DSTYK: variants seen among roughly 807,000 people sequenced by gnomAD.
DSTYK encodes the protein RIP-homologous kinase.
Under a neutral mutation model 98.7 loss-of-function variants are expected in DSTYK, and 34 were observed. That is an observed-to-expected ratio of 0.34 (90% CI 0.26 to 0.46). The LOEUF (loss-of-function observed/expected upper bound fraction) is 0.46. Ranked by LOEUF, DSTYK falls within the 20% of genes least tolerant of loss-of-function variation. The pLI is 1.00. For missense variants in DSTYK, 962 were observed against 1,181.7 expected, an observed-to-expected ratio of 0.81 and a Z score of 2.73; for synonymous variants, 462 against 457.3, an observed-to-expected ratio of 1.01 and a Z score of -0.13.
At chr1:205,186,155 G>C (rs1244859107) in intron 2 of DSTYK, among the ~76,000 whole-genome samples, 2 of 152,324 alleles carry the variant, frequency 1.3e-5, no homozygotes, top group Middle Eastern at 3.4e-3. Flanking sequence ...AAATACTTGT[G>C]AATTGTGAAG....
intron 2 of DSTYK, among the ~76,000 whole-genome samples, chr1:205,170,873 C>T (rs943524515): frequency 6.6e-6 from 1 of 152,004 alleles, no homozygotes. Flanking sequence ...ACAGCTAGAA[C>T]AGCAGCGATC....
chr1:205,166,685 C>T (rs1021164926), intron 3 of DSTYK, among the ~76,000 whole-genome samples: 3 of 152,146 alleles, frequency 2.0e-5, no homozygotes, highest in Non-Finnish European at 4.4e-5. Context: ...GAGAAGACTT[C>T]CTAAGATTTC....
At chr1:205,162,791 G>A in intron 5 of DSTYK, 132 bp downstream of exon 5, 1 of 681,670 alleles carries the variant, frequency 1.5e-6, no homozygotes. Context: ...ATTCTCCCAG[G>A]CAGGCAAACC....
At chr1:205,148,183 A>G (rs1285384881) in intron 12 of DSTYK, 22 bp downstream of exon 12, 1 of 1,613,852 alleles carries the variant, frequency 6.2e-7, no homozygotes, top group African/African-American at 1.3e-5. Context: ...AGTTAGGACA[A>G]GGTAGTACTT....
In DSTYK at chr1:205,157,403, A is replaced by G. The variant is rs1293796255; in HGVS notation, c.2239-17T>C. On this transcript the variant is annotated splice_polypyrimidine_tract_variant and intron_variant, in intron 9 of 12. Transcript: ENST00000367162. ...CAGCCCAGCCTTGGGGAGACAAAAG[A>G]GCTTACTTGTCATGATAAGGCAACT... is the stretch of plus-strand genomic sequence containing the variant. The G allele has an allele frequency of 6.2e-7, 1 of 1,606,064 alleles. No homozygotes were observed. The highest frequency in any genetic ancestry group is 8.5e-7 in the Non-Finnish European group (1 of 1,172,890).
At chr1:205,203,488 A>AGAGGG (rs1558627899) in intron 1 of DSTYK, among the ~76,000 whole-genome samples, 1 of 104,278 alleles carries the variant, frequency 9.6e-6, no homozygotes, top group Non-Finnish European at 1.9e-5. Flanking sequence ...TAAGAAAAGG[A>AGAGGG]GAGGGGAGGG....
chr1:205,203,598 C>T (rs1182004561), intron 1 of DSTYK, among the ~76,000 whole-genome samples: 2 of 123,616 alleles, frequency 1.6e-5, no homozygotes, highest in East Asian at 2.5e-4. Flanking sequence ...AGGGAGGGGG[C>T]AGAATTTCCC....
At chr1:205,154,523 G>A (rs1400653549) in intron 10 of DSTYK, among the ~76,000 whole-genome samples, 1 of 152,180 alleles carries the variant, frequency 6.6e-6, no homozygotes. Context: ...CAGCCTTGCG[G>A]AACTGTGAGT....
chr1:205,178,013 G>A (rs188378424), intron 2 of DSTYK, among the ~76,000 whole-genome samples: 24 of 152,218 alleles, frequency 1.6e-4, no homozygotes, highest in East Asian at 9.6e-4. Context: ...GCAAACCAGA[G>A]TTTTATCCCA....
chr1:205,175,843 T>C (rs768441869), intron 2 of DSTYK, among the ~76,000 whole-genome samples: 1 of 152,122 alleles, frequency 6.6e-6, no homozygotes, highest in African/African-American at 2.4e-5. Flanking sequence ...ATCCAATAAA[T>C]AAACATGGAA....
At chr1:205,151,782 C>G (rs565832752) in intron 10 of DSTYK, among the ~76,000 whole-genome samples, 1 of 151,496 alleles carries the variant, frequency 6.6e-6, no homozygotes, top group East Asian at 1.9e-4. Flanking sequence ...TCAGGATCAT[C>G]TATATCACTG....
chr1:205,172,356 G>A (rs1658090737), intron 2 of DSTYK, among the ~76,000 whole-genome samples: 1 of 150,718 alleles, frequency 6.6e-6, no homozygotes, highest in Admixed American at 6.6e-5. Flanking sequence ...CTGGAGTGCA[G>A]TGGTGCAATT....
rs1657626732 is a variant in DSTYK, at chr1:205,158,627, A to G, written c.2238+920T>C. 2.0e-5 allele frequency among the ~76,000 whole-genome samples: 3 copies of G among 152,318 alleles called. No individual in the cohort carries two copies. In the South Asian group the frequency reaches 6.2e-4, roughly 32 times the overall value. ...TTGCACATTATGTCTCCTGATTCCC[A>G]AAATGAACCAGCTGCTCCAATGTGC... On this transcript the variant is annotated intron_variant, in intron 9 of 12. Transcript: ENST00000367162.
Position 205,144,223 on chromosome 1 carries a change from A to T in DSTYK, c.*3335T>A, listed in dbSNP as rs971588424. ...CAGACTTCAAGCTCTGGCCATTAAA[A>T]ATGGCCAGGTCATCATTTTCATGTT... is the stretch of plus-strand genomic sequence containing the variant. On this transcript the variant is annotated 3_prime_UTR_variant, in exon 13 of 13. Coordinates refer to ENST00000367162, the MANE Select transcript of DSTYK (RefSeq NM_015375.3). 2.0e-5 allele frequency: 3 copies of T among 152,296 alleles called. No homozygotes were observed. The highest frequency in any genetic ancestry group is 7.2e-5 in the African/African-American group (3 of 41,446). 9.4% of individuals were successfully genotyped at this position (152,296 alleles called of 1,614,324 possible). A position where few individuals can be genotyped will look rare whatever the true frequency, so the allele number is the denominator to read the frequency against.
rs1164778221 is a variant in DSTYK at position 205,145,420 on chromosome 1, T to C, written c.*2138A>G. The C allele has an allele frequency of 6.6e-6, 1 of 152,100 alleles. No homozygotes were observed. Among genetic ancestry groups the C allele is most frequent in the Non-Finnish European group, 1.5e-5 (1 of 68,008 alleles). The allele number at this position is 152,100 out of a possible 1,614,324, so 9.4% of individuals were successfully genotyped here. ...AGTTAAAAGTTATATGAAAGACCCA[T>C]TATAGACTCCATTTATACTCCATTA... is the stretch of plus-strand genomic sequence containing the variant. On this transcript the variant is annotated 3_prime_UTR_variant, in exon 13 of 13. Coordinates refer to ENST00000367162, the MANE Select transcript of DSTYK (RefSeq NM_015375.3).
At chr1:205,211,016 C>A (rs1233435334) in intron 1 of DSTYK, among the ~76,000 whole-genome samples, 1 of 152,214 alleles carries the variant, frequency 6.6e-6, no homozygotes, top group Non-Finnish European at 1.5e-5. Flanking sequence ...CCCCGGGGTC[C>A]CGCTCCGGGA....
intron 1 of DSTYK, among the ~76,000 whole-genome samples, chr1:205,196,925 A>AT (rs1019982625): frequency 1.3e-3 from 191 of 146,468 alleles, no homozygotes; most frequent in East Asian, 7.9e-3. Flanking sequence ...TGCCTGGCTA[A>AT]TTTTTTTTTT....
intron 1 of DSTYK, among the ~76,000 whole-genome samples, chr1:205,206,318 C>T (rs1215135712): frequency 1.3e-5 from 2 of 149,246 alleles, no homozygotes; most frequent in East Asian, 2.0e-4. Context: ...CTCGCTCTGT[C>T]GCCCAGGCTA....
chr1:205,164,311 C>T (rs1054755053), intron 3 of DSTYK, among the ~76,000 whole-genome samples: 5 of 151,438 alleles, frequency 3.3e-5, no homozygotes, highest in Admixed American at 6.6e-5. Context: ...ATGAGGCAGG[C>T]GGGAGGATGG....
Sources: gnomAD v4.1 joint callset for allele counts (sites outside exome capture counted in the v4.1 genomes callset) on GRCh38, gnomAD v4.1.1 for gene constraint, MANE v1.5 for transcripts, NCBI Gene and HGNC (gene_info 2026-07-23, HGNC 2026-07-21) for gene names.